The following LAMB3 variants were observed in gnomAD, a reference collection of about 807,000 sequenced individuals.
LAMB3 encodes laminin subunit beta 3.
Under a neutral mutation model 140.3 loss-of-function variants are expected in LAMB3, and 104 were observed. That is an observed-to-expected ratio of 0.74 (90% CI 0.63 to 0.87). The LOEUF is 0.87. LAMB3 is among the 40% of genes least tolerant of loss of function. LAMB3 has a pLI of 0.00. For missense variants in LAMB3, 1,531 were observed against 1,575.2 expected (o/e 0.97, Z 0.47); for synonymous variants, 592 against 602.9 (o/e 0.98, Z 0.26).
At chr1:209,641,774 C>T (rs2102452286) in intron 3 of LAMB3, among the ~76,000 whole-genome samples, 2 of 152,330 alleles carry the variant, frequency 1.3e-5, no homozygotes, top group East Asian at 1.9e-4. Flanking sequence ...ATAATCCTTT[C>T]TGGGCAAGAG....
At chr1:209,631,189 TA>T in intron 8 of LAMB3, among the ~76,000 whole-genome samples, 1 of 152,322 alleles carries the variant, frequency 6.6e-6, no homozygotes, top group South Asian at 2.1e-4. Context: ...CATTAAGGTA[TA>T]AAAATAGAAT....
chr1:209,626,784 G>T, intron 13 of LAMB3, 83 bp downstream of exon 13: 1 of 966,360 alleles, frequency 1.0e-6, no homozygotes, highest in Non-Finnish European at 1.6e-6. Flanking sequence ...CTGCCCTGCT[G>T]CAGACCTACA....
At position 209,617,475 on chromosome 1, in the gene LAMB3, C is replaced by T. The variant is rs759403308; in HGVS notation, c.3163G>A (p.Ala1055Thr). Residue 1055 changes from alanine (A) to threonine (T), a missense_variant, in exon 21 of 23, where the codon GCA becomes ACA. Ala to Thr is a moderately conservative substitution (Grantham distance 58). Coordinates refer to ENST00000356082, the MANE Select transcript of LAMB3 (RefSeq NM_000228.3). ...ELRHQARQQG[A>T]EAVQAQQLAE... ...AGCTGCTGGGCCTGGACTGCCTCTG[C>T]CCCCTGCTGCCGGGCTTGGTGGCGG... is the stretch of plus-strand genomic sequence containing the variant. 3 of 1,613,756 alleles carry T rather than the reference C, an allele frequency of 1.9e-6. No individual in the cohort carries two copies. The South Asian group carries it at 3.3e-5, about 18-fold the overall frequency.
chr1:209,628,322 T>G, intron 10 of LAMB3, 132 bp from the exon 11 acceptor site: 1 of 982,876 alleles, frequency 1.0e-6, no homozygotes, highest in Non-Finnish European at 1.6e-6. Context: ...TTAGTCAAGT[T>G]ACTTAATCCC....
intron 14 of LAMB3, among the ~76,000 whole-genome samples, chr1:209,625,090 T>C (rs940039829): frequency 6.6e-6 from 1 of 152,170 alleles, no homozygotes; most frequent in Non-Finnish European, 1.5e-5. Flanking sequence ...TTTTCATTCT[T>C]CTCAGGCTGC....
chr1:209,622,766 G>T, intron 17 of LAMB3, 86 bp from the exon 18 acceptor site: 1 of 1,553,874 alleles, frequency 6.4e-7, no homozygotes, highest in Non-Finnish European at 8.9e-7. Context: ...CATCCTCTAT[G>T]CCAAGACCTA....
chr1:209,623,602 C>T lies in LAMB3; in HGVS notation c.2261G>A (p.Arg754Gln), dbSNP rs911376110. 44 of 1,614,020 alleles carry T rather than the reference C, an allele frequency of 2.7e-5. No individual in the cohort carries two copies. The highest frequency in any genetic ancestry group is 1.6e-4 in the Middle Eastern group (1 of 6,082). The change falls in exon 16 of 23, where the codon CGG (arginine) becomes CAG (glutamine). Residue 754 changes from arginine (R) to glutamine (Q), a missense_variant. Arg to Gln is a conservative substitution (Grantham distance 43, BLOSUM62 1). Transcript: ENST00000356082. The surrounding 1 kb of genome is among the most constrained non-coding windows in gnomAD (Gnocchi z 4.2). ...GGTGCCTCCTCCTCCTCCCGCCTGC[C>T]GCACCAGCCTCTCTGCCTCTCTCCG... is the stretch of plus-strand genomic sequence containing the variant. Reference protein sequence around the residue: ...DSRREAERLVRQAGGGGGTGS... With the variant: ...DSRREAERLVQQAGGGGGTGS...
Position 209,632,664 on chromosome 1 carries a change from C to G in LAMB3, c.741G>C (p.Gln247His). 1 of 1,614,130 alleles carries G rather than the reference C, an allele frequency of 6.2e-7. No homozygotes were observed. The highest frequency in any genetic ancestry group is 8.5e-7 in the Non-Finnish European group (1 of 1,179,956). The change falls in exon 8 of 23, where the codon CAG (glutamine) becomes CAC (histidine). Residue 247 changes from glutamine to histidine, a missense_variant. Physicochemically the swap from Gln to His is conservative, Grantham distance 24 (BLOSUM62 0). Coordinates refer to ENST00000356082, the MANE Select transcript of LAMB3 (RefSeq NM_000228.3). ...AYYAVSQLRL[Q>H]GSCFCHGHAD... is the part of the protein sequence containing the mutation. ...CATGGCCGTGACAGAAGCAGCTCCC[C>G]TGCAGACGGAGCTGGGACACAGCAT... is the stretch of plus-strand genomic sequence containing the variant.
Position 209,623,471 on chromosome 1 carries a change from G to T in LAMB3, c.2358+34C>A. The stretch of plus-strand genomic sequence containing the variant: ...TGGTGTGTGACAAGCTGGGGTGTGG[G>T]CTCCAGGAAGTGGGACTCCATGCCC... On this transcript the variant is annotated intron_variant, in intron 16 of 22. Coordinates refer to ENST00000356082, the MANE Select transcript of LAMB3 (RefSeq NM_000228.3). This position sits in a 1 kb window ranked among gnomAD's most constrained non-coding sequence, Gnocchi z 4.2. The T allele has an allele frequency of 1.3e-6, 2 of 1,589,936 alleles. No homozygotes were observed. Among genetic ancestry groups the T allele is most frequent in the Non-Finnish European group, 1.7e-6 (2 of 1,157,952 alleles).
intron 18 of LAMB3, among the ~76,000 whole-genome samples, chr1:209,619,416 C>T (rs1431539735): frequency 6.6e-6 from 1 of 152,178 alleles, no homozygotes; most frequent in East Asian, 1.9e-4. Context: ...TCCTCATGTG[C>T]GTAGAGTGAA....
rs1665903223 is a variant in LAMB3 at position 209,615,127 on chromosome 1, A to G, written c.*144T>C. 5.3e-6 allele frequency: 5 copies of G among 947,684 alleles called. No individual in the cohort carries two copies. In the South Asian group the frequency reaches 7.6e-5, roughly 14 times the overall value. The allele number at this position is 947,684 out of a possible 1,614,324, so 58.7% of individuals were successfully genotyped here. On this transcript the variant is annotated 3_prime_UTR_variant, in exon 23 of 23. Transcript: ENST00000356082. ...CTCAGCTGCAGCTCAGGGTAATCTT[A>G]CTAGCTACACACCAGGGGTGGTCCA...
intron 8 of LAMB3, among the ~76,000 whole-genome samples, chr1:209,631,843 C>A (rs1389175452): frequency 6.6e-6 from 1 of 152,214 alleles, no homozygotes; most frequent in Non-Finnish European, 1.5e-5. Flanking sequence ...AAGAAGAATG[C>A]CAGCTGAGGC....
At position 209,626,890 on chromosome 1, in the gene LAMB3, CCATAGGTCCGGT is replaced by C. The variant is rs1225590890; in HGVS notation, c.1562_1573del (p.Asp521_Tyr524del). ...ACCTCGGCATCCTGTGGCCACGTCT[CCATAGGTCCGGT>C]CTGGACACTGGCGGATGGCTGCAGC... is the stretch of plus-strand genomic sequence containing the variant. On this transcript the variant is annotated inframe_deletion, in exon 13 of 23. Coordinates refer to ENST00000356082, the MANE Select transcript of LAMB3 (RefSeq NM_000228.3). 1.2e-6 allele frequency: 2 copies of C among 1,613,734 alleles called. No homozygotes were observed. Among genetic ancestry groups the C allele is most frequent in the Non-Finnish European group, 1.7e-6 (2 of 1,179,934 alleles).
At chr1:209,622,489 A>T in intron 18 of LAMB3, 47 bp downstream of exon 18, 2 of 1,609,990 alleles carry the variant, frequency 1.2e-6, no homozygotes, top group South Asian at 1.1e-5. Flanking sequence ...AATGCGGGAC[A>T]GGCAGGACTG....
rs547378825 is a variant in LAMB3, at chr1:209,623,666, A to G, written c.2197T>C (p.Ser733Pro). Residue 733 changes from serine to proline, a missense_variant, in exon 16 of 23, where the codon TCC becomes CCC. By Grantham distance (74) the Ser-to-Pro change is moderately conservative (BLOSUM62 -1). Transcript: ENST00000356082. This position sits in a 1 kb window ranked among gnomAD's most constrained non-coding sequence, Gnocchi z 4.2. ...EQSAQAAQQVSDSSRLLDQLR... is the reference protein window; with the variant it reads ...EQSAQAAQQVPDSSRLLDQLR... ...TGGTCCAAAAGGCGCGAGCTGTCGGAGACCTGCTGAGCAGCCTGGGCTGAC... is the reference window on the plus strand; with the variant it reads ...TGGTCCAAAAGGCGCGAGCTGTCGGGGACCTGCTGAGCAGCCTGGGCTGAC... The G allele has an allele frequency of 6.2e-7, 1 of 1,614,196 alleles. No homozygotes were observed. The highest frequency in any genetic ancestry group is 8.5e-7 in the Non-Finnish European group (1 of 1,180,032).
At chr1:209,625,231 G>A (rs1337723469) in intron 14 of LAMB3, among the ~76,000 whole-genome samples, 1 of 152,192 alleles carries the variant, frequency 6.6e-6, no homozygotes, top group Non-Finnish European at 1.5e-5. Flanking sequence ...TCTGCTGGTG[G>A]GATGGGGGTG....
rs376701500 is a variant in LAMB3, at chr1:209,617,577, C to G, written c.3061G>C (p.Val1021Leu). 3.7e-4 allele frequency: 592 copies of G among 1,613,794 alleles called. 1 individual carries two copies. Among genetic ancestry groups the G allele is most frequent in the Non-Finnish European group, 4.8e-4 (563 of 1,180,000 alleles). ...ACCAGCTTTTCTGCTGGCCGCAGTA[C>G]CTGCTGAACCTTTGTGGAAAGAGGG... is the stretch of plus-strand genomic sequence containing the variant. ...IQDRVAEVQQ[V>L]LRPAEKLVTS... Residue 1021 changes from valine (V) to leucine (L), a missense_variant, in exon 21 of 23, where the codon GTA (valine) becomes CTA (leucine). Val to Leu is a conservative substitution (Grantham distance 32). Coordinates refer to ENST00000356082, the MANE Select transcript of LAMB3 (RefSeq NM_000228.3).
chr1:209,632,726 C>T lies in LAMB3; in HGVS notation c.679G>A (p.Val227Met), dbSNP rs1279036829. 1 of 1,614,210 alleles carries T rather than the reference C, an allele frequency of 6.2e-7. No homozygotes were observed. The highest frequency in any genetic ancestry group is 8.5e-7 in the Non-Finnish European group (1 of 1,180,036). Residue 227 changes from valine (V) to methionine (M), a missense_variant, in exon 8 of 23, where the codon GTG (valine) becomes ATG (methionine). Physicochemically the swap from Val to Met is conservative, Grantham distance 21. Coordinates refer to ENST00000356082, the MANE Select transcript of LAMB3 (RefSeq NM_000228.3). ...GGAGGGTGGTAGCCCCTTTGGGGCACAGGGGCCAGCCTGGTGAAATTGACT... is the reference window on the plus strand; with the variant it reads ...GGAGGGTGGTAGCCCCTTTGGGGCATAGGGGCCAGCCTGGTGAAATTGACT... ...LRVNFTRLAP[V>M]PQRGYHPPSA...
At chr1:209,637,469 C>T (rs1436390146) in intron 5 of LAMB3, among the ~76,000 whole-genome samples, 1 of 152,078 alleles carries the variant, frequency 6.6e-6, no homozygotes, top group Non-Finnish European at 1.5e-5. Context: ...AGTAATGGCG[C>T]TGAATGAGTA....
Sources: allele counts gnomAD v4.1 joint callset (sites outside exome capture counted in the v4.1 genomes callset), GRCh38; gene constraint gnomAD v4.1.1; non-coding constraint Gnocchi (gnomAD v3.1); transcripts MANE v1.5; gene names NCBI Gene and HGNC (gene_info 2026-07-23, HGNC 2026-07-21).